Variants in ZNF750 observed in about 807,000 individuals in gnomAD.
ZNF750 encodes protein ZNF750.
A neutral mutation model predicts 31.6 loss-of-function variants in ZNF750; 10 were observed. The ratio of observed to expected loss-of-function variants is 0.32; its 90% CI spans 0.19 to 0.54. ZNF750 has a LOEUF of 0.54. Ranked by LOEUF, ZNF750 falls within the 20% of genes least tolerant of loss-of-function variation. The pLI is 0.95. For synonymous variants in ZNF750, 400 were observed against 404.9 expected (o/e 0.99, Z 0.15); for missense variants, 914 against 934.9 (o/e 0.98, Z 0.29).
At chr17:82,837,583 C>A (rs2054097117) in intron 1 of ZNF750, among the ~76,000 whole-genome samples, 1 of 152,190 alleles carries the variant, frequency 6.6e-6, no homozygotes, top group African/African-American at 2.4e-5. Context: ...CATTCATTAT[C>A]TGCTTTCATT....
At chr17:82,839,037 A>G (rs1176898373) in intron 1 of ZNF750, 60 of 943,484 alleles carry the variant, frequency 6.4e-5, no homozygotes, top group South Asian at 3.4e-4. Context: ...ATCTGTGTCT[A>G]TATGTACAGA....
Position 82,831,146 on chromosome 17 carries a change from C to T in ZNF750, c.1309G>A (p.Ala437Thr), listed in dbSNP as rs752739981. 15 of 1,613,964 alleles carry T rather than the reference C, an allele frequency of 9.3e-6. No homozygotes were observed. In the African/African-American group the frequency reaches 1.9e-4, roughly 20 times the overall value. Residue 437 changes from alanine to threonine, a missense_variant, in exon 2 of 3, where the codon GCA (alanine) becomes ACA (threonine). By Grantham distance (58) the Ala-to-Thr change is moderately conservative. Around this residue, in one of 2 missense-constraint regions of ZNF750, gnomAD observed 880 missense variants for 868.9 expected, o/e 1.01. Transcript: ENST00000269394. This position sits in a 1 kb window ranked among gnomAD's most constrained non-coding sequence, Gnocchi z 4.6. ...AGTCTTCCCAGTGCGCTGGAGGCTGCCTTGTTGGAGAGGTCGTACAGGCCT... is the reference window on the plus strand; with the variant it reads ...AGTCTTCCCAGTGCGCTGGAGGCTGTCTTGTTGGAGAGGTCGTACAGGCCT... The part of the protein sequence containing the change: ...CEGLYDLSNK[A>T]ASSALGRLYP...
rs1256894621 is a variant in ZNF750, at chr17:82,833,913, G to A, written c.-182-1277C>T. Among the ~76,000 whole-genome samples the A allele has an allele frequency of 1.3e-5, 2 of 152,038 alleles. No individual in the cohort carries two copies. Among genetic ancestry groups the A allele is most frequent in the African/African-American group, 4.8e-5 (2 of 41,402 alleles). On this transcript the variant is annotated intron_variant, in intron 1 of 2. Transcript: ENST00000269394. This position sits in a 1 kb window ranked among gnomAD's most constrained non-coding sequence, Gnocchi z 4.7. ...TACCAGCCTCAGGTTTCCTTCAGAGGCTGTGCCGCACGCCCAAGGCTGAGA... is the reference window on the plus strand; with the variant it reads ...TACCAGCCTCAGGTTTCCTTCAGAGACTGTGCCGCACGCCCAAGGCTGAGA...
chr17:82,835,015 A>G lies in ZNF750; in HGVS notation c.-182-2379T>C, dbSNP rs2039129444. On this transcript the variant is annotated intron_variant, in intron 1 of 2. Coordinates refer to ENST00000269394, the MANE Select transcript of ZNF750 (RefSeq NM_024702.3). This position sits in a 1 kb window ranked among gnomAD's most constrained non-coding sequence, Gnocchi z 4.5. ...GAGATTGAGGCTGCAGGGAGCTGTC[A>G]TCCCACCACCGCACTGCAGCCTGGT... 1.3e-5 allele frequency among the ~76,000 whole-genome samples: 2 copies of G among 152,180 alleles called. No individual in the cohort carries two copies. The highest frequency in any genetic ancestry group is 6.5e-5 in the Admixed American group (1 of 15,286).
Position 82,832,733 on chromosome 17 carries a change from G to A in ZNF750, c.-182-97C>T. 1 of 516,536 alleles carries A rather than the reference G, an allele frequency of 1.9e-6. No individual in the cohort carries two copies. The highest frequency in any genetic ancestry group is 1.9e-5 in the African/African-American group (1 of 52,262). 32.0% of individuals were successfully genotyped at this position (516,536 alleles called of 1,614,324 possible). On this transcript the variant is annotated intron_variant, in intron 1 of 2. Transcript: ENST00000269394. The surrounding 1 kb of genome is among the most constrained non-coding windows in gnomAD (Gnocchi z 4.9). ...ACAGTGCCACAGGATCCCTGAAGCA[G>A]AACCCCTGAAGGGCTGAAACTGCCT... is the stretch of plus-strand genomic sequence containing the variant.
rs1384887827 is a variant in ZNF750, at chr17:82,829,979, AC to A, written c.*162del. On this transcript the variant is annotated 3_prime_UTR_variant, in exon 3 of 3. Coordinates refer to ENST00000269394, the MANE Select transcript of ZNF750 (RefSeq NM_024702.3). ...ATATTCATGCTTAATATTTATAAAA[AC>A]TGAATTGGAGGGTTTTTTGTTTGTT... 4.2e-6 allele frequency: 5 copies of A among 1,191,350 alleles called. No homozygotes were observed. In the African/African-American group the frequency reaches 7.7e-5, roughly 18 times the overall value. 73.8% of individuals were successfully genotyped at this position (1,191,350 alleles called of 1,614,324 possible). A position where few individuals can be genotyped will look rare whatever the true frequency, so the allele number is the denominator to read the frequency against.
chr17:82,837,036 G>T (rs546532038), intron 1 of ZNF750, among the ~76,000 whole-genome samples: 55 of 152,292 alleles, frequency 3.6e-4, no homozygotes, highest in African/African-American at 1.1e-3. Context: ...CGACCTCTCA[G>T]GCTTGCACAA....
Position 82,832,557 on chromosome 17 carries a change from C to T in ZNF750, c.-103G>A. 9.5e-7 allele frequency: 1 copy of T among 1,049,582 alleles called. No homozygotes were observed. Among genetic ancestry groups the T allele is most frequent in the Non-Finnish European group, 1.4e-6 (1 of 694,530 alleles). The allele number at this position is 1,049,582 out of a possible 1,614,324, so 65.0% of individuals were successfully genotyped here. ...AAAGAGGCACCTCCCGCTTTGCTTTCTTTCCCGATCACTTCTATCAGAAGC... is the reference window on the plus strand; with the variant it reads ...AAAGAGGCACCTCCCGCTTTGCTTTTTTTCCCGATCACTTCTATCAGAAGC... On this transcript the variant is annotated 5_prime_UTR_variant, in exon 2 of 3. Transcript: ENST00000269394. This position sits in a 1 kb window ranked among gnomAD's most constrained non-coding sequence, Gnocchi z 4.9.
chr17:82,838,869 C>G, intron 1 of ZNF750: 4 of 985,428 alleles, frequency 4.1e-6, no homozygotes, highest in Non-Finnish European at 4.8e-6. Flanking sequence ...ACAGTCGCCG[C>G]CTCATCCTGA....
At position 82,835,588 on chromosome 17, in the gene ZNF750, A is replaced by T. The variant is rs2053899915; in HGVS notation, c.-182-2952T>A. Among the ~76,000 whole-genome samples, 1 of 151,690 alleles carries T rather than the reference A, an allele frequency of 6.6e-6. No individual in the cohort carries two copies. Among genetic ancestry groups the T allele is most frequent in the South Asian group, 2.1e-4 (1 of 4,810 alleles). On this transcript the variant is annotated intron_variant, in intron 1 of 2. Transcript: ENST00000269394. This position sits in a 1 kb window ranked among gnomAD's most constrained non-coding sequence, Gnocchi z 4.5. ...CAGGTGCCTACCACCACGCCCAGCT[A>T]ATTTTTTTGTAATTTTAGTAGAGAT...
rs752213550 is a variant in ZNF750 at position 82,830,825 on chromosome 17, C to T, written c.1489G>A (p.Val497Ile). ...PPAPTGSASL[V>I]SEAAPSSPDD... ...GGACTGGAAGGCGCGGCCTCCGAGA[C>T]GAGAGAGGCGCTTCCGGTCGGAGCA... is the stretch of plus-strand genomic sequence containing the variant. Residue 497 changes from valine (V) to isoleucine (I), a missense_variant, in exon 3 of 3, where the codon GTC (valine) becomes ATC (isoleucine). Transcript: ENST00000269394. The T allele has an allele frequency of 6.2e-7, 1 of 1,613,218 alleles. No homozygotes were observed. Among genetic ancestry groups the T allele is most frequent in the Non-Finnish European group, 8.5e-7 (1 of 1,180,020 alleles).
Position 82,832,274 on chromosome 17 carries a change from G to A in ZNF750, c.181C>T (p.Arg61Ter). 6.2e-7 allele frequency: 1 copy of A among 1,614,238 alleles called. No individual in the cohort carries two copies. Among genetic ancestry groups the A allele is most frequent in the Non-Finnish European group, 8.5e-7 (1 of 1,180,046 alleles). Residue 61 changes from arginine (R) to a stop codon, truncating the protein, a stop_gained, in exon 2 of 3, where the codon CGA (arginine) becomes TGA (stop). Coordinates refer to ENST00000269394, the MANE Select transcript of ZNF750 (RefSeq NM_024702.3). LOFTEE classifies it high-confidence loss of function. The surrounding 1 kb of genome is among the most constrained non-coding windows in gnomAD (Gnocchi z 4.9). Reference sequence around the variant, plus strand: ...TTAGATTTAGGGCACTTGGGAACTCGATCCTGCTCTGATACTAAAGTAATC... The same window carrying A: ...TTAGATTTAGGGCACTTGGGAACTCAATCCTGCTCTGATACTAAAGTAATC... ...NSITLVSEQDRVPKCPKSNSL... is the reference protein window; with the variant it reads ...NSITLVSEQD
chr17:82,839,475 C>T (rs928074077), intron 1 of ZNF750, among the ~76,000 whole-genome samples: 1 of 151,156 alleles, frequency 6.6e-6, no homozygotes, highest in Non-Finnish European at 1.5e-5. Context: ...TGTACATACA[C>T]CACACATATA....
chr17:82,830,559 A>G lies in ZNF750; in HGVS notation c.1755T>C (p.Thr585=), dbSNP rs1422632231. ...AEPAAAVPQK[T]GTEGSEDGPS... ...GCCCATCCTCAGAACCTTCTGTCCC[A>G]GTCTTCTGTGGAACAGCAGCAGCAG... Residue 585 remains threonine (T), a synonymous_variant, in exon 3 of 3, where the codon ACT becomes ACC. Transcript: ENST00000269394. 1 of 1,614,012 alleles carries G rather than the reference A, an allele frequency of 6.2e-7. No homozygotes were observed. The highest frequency in any genetic ancestry group is 1.7e-5 in the Admixed American group (1 of 60,022).
rs1221010207 is a variant in ZNF750 at position 82,835,533 on chromosome 17, C to T, written c.-182-2897G>A. ...TGCCTCCTGGGTTCAAGAGATTCTC[C>T]TGCCTCAGCCTCCCTAGTAGCTGGG... On this transcript the variant is annotated intron_variant, in intron 1 of 2. Transcript: ENST00000269394. The surrounding 1 kb of genome is among the most constrained non-coding windows in gnomAD (Gnocchi z 4.5). 6.6e-6 allele frequency among the ~76,000 whole-genome samples: 1 copy of T among 152,162 alleles called. No homozygotes were observed. The highest frequency in any genetic ancestry group is 1.5e-5 in the Non-Finnish European group (1 of 68,040).
Position 82,833,054 on chromosome 17 carries a change from G to T in ZNF750, c.-182-418C>A, listed in dbSNP as rs1163834172. 6.6e-6 allele frequency among the ~76,000 whole-genome samples: 1 copy of T among 152,092 alleles called. No homozygotes were observed. Among genetic ancestry groups the T allele is most frequent in the East Asian group, 1.9e-4 (1 of 5,170 alleles). ...GGGTCTGGACAGAGTCCTGTCCCAGGGCTGCCCGACTCTGCTTGGGGGTTA... is the reference window on the plus strand; with the variant it reads ...GGGTCTGGACAGAGTCCTGTCCCAGTGCTGCCCGACTCTGCTTGGGGGTTA... On this transcript the variant is annotated intron_variant, in intron 1 of 2. Transcript: ENST00000269394. The surrounding 1 kb of genome is among the most constrained non-coding windows in gnomAD (Gnocchi z 4.7).
chr17:82,832,519 C>T lies in ZNF750; in HGVS notation c.-65G>A. The T allele has an allele frequency of 6.9e-7, 1 of 1,458,606 alleles. No homozygotes were observed. The highest frequency in any genetic ancestry group is 9.5e-7 in the Non-Finnish European group (1 of 1,052,550). The allele number at this position is 1,458,606 out of a possible 1,614,324, so 90.4% of individuals were successfully genotyped here. ...GTGATCACTGTCGACGCCGCGTGCACTTCGTGGTTTCTAAAGAGGCACCTC... is the reference window on the plus strand; with the variant it reads ...GTGATCACTGTCGACGCCGCGTGCATTTCGTGGTTTCTAAAGAGGCACCTC... On this transcript the variant is annotated 5_prime_UTR_variant, in exon 2 of 3. It adds an upstream start codon to the 5' untranslated region. Coordinates refer to ENST00000269394, the MANE Select transcript of ZNF750 (RefSeq NM_024702.3). This position sits in a 1 kb window ranked among gnomAD's most constrained non-coding sequence, Gnocchi z 4.9.
Position 82,838,678 on chromosome 17 carries a change from C to T in ZNF750, c.-183+1249G>A. ...TGATTGACTGCCACTCCCTCCCAGC[C>T]TTTCGGTTCTTTAAAATGAAAGATA... On this transcript the variant is annotated intron_variant, in intron 1 of 2. Transcript: ENST00000269394. 4.1e-6 allele frequency: 4 copies of T among 985,458 alleles called. No homozygotes were observed. The South Asian group carries it at 1.4e-4, about 35-fold the overall frequency. The allele number at this position is 985,458 out of a possible 1,614,324, so 61.0% of individuals were successfully genotyped here.
At position 82,830,801 on chromosome 17, in the gene ZNF750, G is replaced by A; in HGVS notation, c.1513C>T (p.Pro505Ser). 8 of 1,613,552 alleles carry A rather than the reference G, an allele frequency of 5.0e-6. No homozygotes were observed. The highest frequency in any genetic ancestry group is 6.8e-6 in the Non-Finnish European group (8 of 1,180,026). ...SLVSEAAPSS[P>S]DDSSGMGPLN... ...GGGCCCATCCCGGAGCTGTCGTCCGGACTGGAAGGCGCGGCCTCCGAGACG... is the reference window on the plus strand; with the variant it reads ...GGGCCCATCCCGGAGCTGTCGTCCGAACTGGAAGGCGCGGCCTCCGAGACG... The change falls in exon 3 of 3, where the codon CCG (proline) becomes TCG (serine). Residue 505 changes from proline (P) to serine (S), a missense_variant. Pro to Ser is a moderately conservative substitution (Grantham distance 74). Around this residue, in one of 2 missense-constraint regions of ZNF750, gnomAD observed 880 missense variants for 868.9 expected, o/e 1.01. Transcript: ENST00000269394.
Sources: allele counts gnomAD v4.1 joint callset (sites outside exome capture counted in the v4.1 genomes callset), GRCh38; gene constraint gnomAD v4.1.1; regional missense constraint gnomAD v4.1.1; non-coding constraint Gnocchi (gnomAD v3.1); transcripts MANE v1.5; gene names NCBI Gene and HGNC (gene_info 2026-07-23, HGNC 2026-07-21).